The following RSRC1 variants were observed in gnomAD, a reference collection of about 807,000 sequenced individuals.
RSRC1 encodes serine/Arginine-related protein 53.
In RSRC1, 39 loss-of-function variants were observed where a neutral mutation model predicts 49.1. The ratio of observed to expected loss-of-function variants is 0.79; its 90% CI spans 0.61 to 1.04. The LOEUF (loss-of-function observed/expected upper bound fraction) is 1.04, where lower values mean the gene tolerates loss of function less well. Among genes scored for constraint, RSRC1 ranks in the 50% least tolerant of loss-of-function variants. RSRC1 has a pLI of 0.00. For synonymous variants in RSRC1, 143 were observed against 130.8 expected, an observed-to-expected ratio of 1.09 and a Z score of -0.63; for missense variants, 388 against 402.4, an observed-to-expected ratio of 0.96 and a Z score of 0.31.
intron 6 of RSRC1, among the ~76,000 whole-genome samples, chr3:158,400,634 T>TA (rs1397726071): frequency 6.6e-6 from 1 of 151,828 alleles, no homozygotes; most frequent in Non-Finnish European, 1.5e-5. Context: ...TAGTTTTTAA[T>TA]AAAAAAGGTT....
chr3:158,464,041 TA>T lies in RSRC1; in HGVS notation c.652+3040del, dbSNP rs563603998. ...TCCCTTTTTTTCTAATTCTAGATTA[TA>T]ATTTAGGAAAACTGAATAGTATTAA... On this transcript the variant is annotated intron_variant, in intron 7 of 9. Transcript: ENST00000611884. Among the ~76,000 whole-genome samples, 28 of 152,284 alleles carry T rather than the reference TA, an allele frequency of 1.8e-4. No homozygotes were observed. The East Asian group carries it at 3.1e-3, about 17-fold the overall frequency.
chr3:158,503,145 T>C (rs1739684680), intron 7 of RSRC1, among the ~76,000 whole-genome samples: 1 of 152,130 alleles, frequency 6.6e-6, no homozygotes. Context: ...GCTGCAGTGA[T>C]TGTTGTCTCT....
chr3:158,264,620 T>C (rs1248504382), intron 4 of RSRC1, among the ~76,000 whole-genome samples: 1 of 152,226 alleles, frequency 6.6e-6, no homozygotes, highest in African/African-American at 2.4e-5. Context: ...CCAACCATTA[T>C]ACTGGATTTG....
chr3:158,296,151 A>G (rs1360233137), intron 4 of RSRC1, among the ~76,000 whole-genome samples: 1 of 152,106 alleles, frequency 6.6e-6, no homozygotes, highest in Non-Finnish European at 1.5e-5. Flanking sequence ...ATATATTGCA[A>G]TATTATTTTC....
At chr3:158,359,990 A>T (rs1251968304) in intron 6 of RSRC1, among the ~76,000 whole-genome samples, 2 of 152,160 alleles carry the variant, frequency 1.3e-5, no homozygotes, top group African/African-American at 4.8e-5. Context: ...TCTGCTAGGC[A>T]GGTGGTACCA....
At chr3:158,425,105 T>C (rs1196576200) in intron 6 of RSRC1, among the ~76,000 whole-genome samples, 1 of 151,874 alleles carries the variant, frequency 6.6e-6, no homozygotes, top group African/African-American at 2.4e-5. Flanking sequence ...TTTTAGTTAT[T>C]TCTTGCCTTC....
chr3:158,202,562 T>TTATATATATATATATATATATATATATA lies in RSRC1; in HGVS notation c.321-491_321-490insATATATATATATATATATATATATATAT, dbSNP rs56789942. Among the ~76,000 whole-genome samples, 199 of 91,880 alleles carry TTATATATATATATATATATATATATATA rather than the reference T, an allele frequency of 2.2e-3. 8 individuals are homozygous for TTATATATATATATATATATATATATATA. The highest frequency in any genetic ancestry group is 8.4e-3 in the African/African-American group (159 of 18,844). The allele number at this position is 91,880 out of a possible 152,430, so 60.3% of individuals were successfully genotyped here. On this transcript the variant is annotated intron_variant, in intron 3 of 9. Coordinates refer to ENST00000611884, the MANE Select transcript of RSRC1 (RefSeq NM_001271838.2). ...TCTGTAGGGTTGTCAGTCTGGTAGA[T>TTATATATATATATATATATATATATATA]TATATATATATATATATATGTTTTA...
chr3:158,186,972 AT>A (rs1719967745), intron 3 of RSRC1, among the ~76,000 whole-genome samples: 1 of 151,882 alleles, frequency 6.6e-6, no homozygotes, highest in Non-Finnish European at 1.5e-5. Flanking sequence ...GTCTGTGTAA[AT>A]CTTTATTTTC....
At chr3:158,420,174 A>G (rs1243939781) in intron 6 of RSRC1, among the ~76,000 whole-genome samples, 1 of 152,010 alleles carries the variant, frequency 6.6e-6, no homozygotes, top group Non-Finnish European at 1.5e-5. Flanking sequence ...AATTACCTCA[A>G]CAAATGTTAT....
intron 8 of RSRC1, among the ~76,000 whole-genome samples, chr3:158,538,529 G>C (rs1287970559): frequency 6.6e-6 from 1 of 151,804 alleles, no homozygotes; most frequent in African/African-American, 2.4e-5. Flanking sequence ...AGTTTACCCT[G>C]ACATCCCAGT....
chr3:158,423,273 C>G (rs1037145852), intron 6 of RSRC1, among the ~76,000 whole-genome samples: 1 of 152,048 alleles, frequency 6.6e-6, no homozygotes, highest in African/African-American at 2.4e-5. Context: ...AGGAAGGGAT[C>G]CAGTTTCAGC....
chr3:158,230,615 A>G (rs1032068753), intron 4 of RSRC1, among the ~76,000 whole-genome samples: 5 of 152,146 alleles, frequency 3.3e-5, no homozygotes, highest in African/African-American at 1.2e-4. Context: ...GTCTGTATAC[A>G]TACTGTCTTA....
intron 4 of RSRC1, among the ~76,000 whole-genome samples, chr3:158,257,132 T>C (rs1468870901): frequency 1.3e-5 from 2 of 152,174 alleles, no homozygotes; most frequent in African/African-American, 2.4e-5. Flanking sequence ...ATGTGTTTGC[T>C]CTTGCTTCTC....
intron 6 of RSRC1, among the ~76,000 whole-genome samples, chr3:158,388,804 T>C (rs1733107357): frequency 1.3e-5 from 2 of 151,846 alleles, no homozygotes; most frequent in Admixed American, 6.6e-5. Flanking sequence ...AGAGATGGGG[T>C]TTCACCGTGT....
At chr3:158,143,828 T>C (rs1716905858) in intron 3 of RSRC1, among the ~76,000 whole-genome samples, 2 of 152,134 alleles carry the variant, frequency 1.3e-5, no homozygotes, top group Non-Finnish European at 1.5e-5. Context: ...CTTTGGGGAA[T>C]TAAACTTCAT....
At chr3:158,180,804 CTTT>C (rs71144445) in intron 3 of RSRC1, among the ~76,000 whole-genome samples, 4 of 107,402 alleles carry the variant, frequency 3.7e-5, no homozygotes, top group Admixed American at 2.3e-4. Context: ...GGATTATATG[CTTT>C]TTTTTTTTTT....
At chr3:158,435,582 T>G (rs1183762458) in intron 6 of RSRC1, among the ~76,000 whole-genome samples, 1 of 151,598 alleles carries the variant, frequency 6.6e-6, no homozygotes, top group Non-Finnish European at 1.5e-5. Flanking sequence ...AAGATATAGA[T>G]ATAAATATAT....
At chr3:158,323,923 C>T (rs17683939) in intron 5 of RSRC1, among the ~76,000 whole-genome samples, 31,342 of 147,244 alleles carry the variant, frequency 0.21, 4,032 homozygotes, top group South Asian at 0.3. Flanking sequence ...TCTGTGCATC[C>T]GTACTATAGT....
chr3:158,356,927 T>G (rs987890902), intron 6 of RSRC1, among the ~76,000 whole-genome samples: 3 of 152,140 alleles, frequency 2.0e-5, no homozygotes, highest in African/African-American at 7.2e-5. Flanking sequence ...CTTGCTTATA[T>G]CCATCTGAGT....
Sources: allele counts gnomAD v4.1 joint callset (sites outside exome capture counted in the v4.1 genomes callset), GRCh38; gene constraint gnomAD v4.1.1; transcripts MANE v1.5; gene names NCBI Gene and HGNC (gene_info 2026-07-23, HGNC 2026-07-21).